The following ZNF610 variants were observed in gnomAD, a reference collection of about 807,000 sequenced individuals.
The protein encoded by ZNF610 is zink finger protein.
ZNF610 carries 14 observed loss-of-function variants against 14.1 expected under a neutral mutation model. That is an observed-to-expected ratio of 0.99 (90% confidence interval 0.65 to 1.55). ZNF610 has a LOEUF of 1.55. Among genes scored for constraint, ZNF610 ranks in the 40% most tolerant of loss-of-function variants. ZNF610 has a pLI of 0.00. For missense variants in ZNF610, 530 were observed against 558.0 expected, an observed-to-expected ratio of 0.95 and a Z score of 0.51; for synonymous variants, 185 against 187.6, an observed-to-expected ratio of 0.99 and a Z score of 0.11.
At chr19:52,335,075 G>T (rs538468908), upstream of ZNF610, among the ~76,000 whole-genome samples, 2 of 151,954 alleles carry the variant, frequency 1.3e-5, no homozygotes, top group South Asian at 2.1e-4. Context: ...CGTGGGGGGG[G>T]GGTGTGGATC....
chr19:52,339,591 C>T (rs1233574145), intron 1 of ZNF610, among the ~76,000 whole-genome samples: 3 of 152,192 alleles, frequency 2.0e-5, no homozygotes, highest in Non-Finnish European at 4.4e-5. Flanking sequence ...TCTGCGGGCA[C>T]AGGGTTGGGG....
In ZNF610 at chr19:52,367,048, C is replaced by A. The variant is rs948835586; in HGVS notation, c.*281C>A. 5.4e-6 allele frequency: 2 copies of A among 369,244 alleles called. No individual in the cohort carries two copies. The highest frequency in any genetic ancestry group is 9.6e-6 in the Non-Finnish European group (2 of 207,734). 22.9% of individuals were successfully genotyped at this position (369,244 alleles called of 1,614,324 possible). ...AGGATTCACATTTAACTGCTGGCAC[C>A]GTAATTTGTAACTCTTTGATTTAGA... is the stretch of plus-strand genomic sequence containing the variant. On this transcript the variant is annotated 3_prime_UTR_variant, in exon 6 of 6. Transcript: ENST00000403906.
intron 1 of ZNF610, among the ~76,000 whole-genome samples, chr19:52,344,327 A>G (rs926705395): frequency 2.8e-5 from 4 of 145,192 alleles, no homozygotes; most frequent in African/African-American, 1.0e-4. Context: ...TGACCCCCCC[A>G]TAGCCCCCGA....
intron 5 of ZNF610, among the ~76,000 whole-genome samples, chr19:52,356,879 C>T (rs964180037): frequency 1.3e-5 from 2 of 152,228 alleles, no homozygotes; most frequent in African/African-American, 2.4e-5. Context: ...TCTTGCACCA[C>T]GCAACAATAA....
At chr19:52,332,852 G>A (rs117297359), upstream of ZNF610, among the ~76,000 whole-genome samples, 58 of 152,332 alleles carry the variant, frequency 3.8e-4, 5 homozygotes, top group East Asian at 9.6e-3. The surrounding 1 kb of genome is among the most constrained non-coding windows in gnomAD (Gnocchi z 4.1). Context: ...AATGCTAGAC[G>A]TAGAACTCTG....
chr19:52,353,232 G>A (rs566632934), intron 3 of ZNF610, among the ~76,000 whole-genome samples: 9 of 152,304 alleles, frequency 5.9e-5, no homozygotes, highest in East Asian at 1.9e-4. Flanking sequence ...GAGCCACTGC[G>A]CCCAGCCTAT....
Position 52,367,741 on chromosome 19 carries a change from C to T in ZNF610, c.*974C>T, listed in dbSNP as rs548179022. ...ATAGTACAATTTCAGCCTTGTACAC[C>T]CTCAAATGTGTGTGAGTGTTAAAGA... On this transcript the variant is annotated 3_prime_UTR_variant, in exon 6 of 6. Transcript: ENST00000403906. 1 of 152,096 alleles carries T rather than the reference C, an allele frequency of 6.6e-6. No homozygotes were observed. The highest frequency in any genetic ancestry group is 2.4e-5 in the African/African-American group (1 of 41,498). 9.4% of individuals were successfully genotyped at this position (152,096 alleles called of 1,614,324 possible).
At chr19:52,338,965 C>T (rs1440942051) in intron 1 of ZNF610, among the ~76,000 whole-genome samples, 7 of 152,142 alleles carry the variant, frequency 4.6e-5, no homozygotes, top group South Asian at 2.1e-4. Context: ...TTATTGATCA[C>T]TATCTCTACC....
At chr19:52,352,514 A>G (rs1182743287) in intron 3 of ZNF610, among the ~76,000 whole-genome samples, 2 of 152,184 alleles carry the variant, frequency 1.3e-5, no homozygotes, top group Admixed American at 6.5e-5. Flanking sequence ...CTGTGATTAC[A>G]TGTGTGAGTC....
chr19:52,351,457 GA>G (rs1018288016), intron 3 of ZNF610, among the ~76,000 whole-genome samples: 4,654 of 139,664 alleles, frequency 0.033, 223 homozygotes, highest in African/African-American at 0.11. Flanking sequence ...CTGTCTCAAA[GA>G]AAAAAAAAAA....
At chr19:52,346,118 C>T (rs1984942596) in intron 1 of ZNF610, among the ~76,000 whole-genome samples, 2 of 151,524 alleles carry the variant, frequency 1.3e-5, no homozygotes, top group African/African-American at 4.9e-5. Flanking sequence ...CCTGCCTCAG[C>T]CTCCTGAGTA....
chr19:52,341,378 CG>C (rs1026566605), intron 1 of ZNF610, among the ~76,000 whole-genome samples: 184 of 151,048 alleles, frequency 1.2e-3, no homozygotes, highest in African/African-American at 4.1e-3. Flanking sequence ...GGCACGATCT[CG>C]GCTCACTGCA....
intron 5 of ZNF610, among the ~76,000 whole-genome samples, chr19:52,356,237 A>G (rs551915800): frequency 5.9e-5 from 9 of 152,272 alleles, no homozygotes; most frequent in Admixed American, 1.3e-4. Context: ...TGTGTGTCAC[A>G]GGGGAGTAGG....
chr19:52,360,512 A>G (rs1319395276), intron 5 of ZNF610, among the ~76,000 whole-genome samples: 1 of 152,214 alleles, frequency 6.6e-6, no homozygotes, highest in Non-Finnish European at 1.5e-5. Flanking sequence ...AGCCTTCATT[A>G]TTTCAACACT....
At chr19:52,342,455 G>A (rs1008975879) in intron 1 of ZNF610, among the ~76,000 whole-genome samples, 2 of 151,146 alleles carry the variant, frequency 1.3e-5, no homozygotes, top group African/African-American at 2.4e-5. Context: ...TTGCACAGCC[G>A]ATCACTCCCT....
upstream of ZNF610, among the ~76,000 whole-genome samples, chr19:52,334,076 A>G (rs1356832409): frequency 2.0e-5 from 3 of 152,254 alleles, no homozygotes; most frequent in Non-Finnish European, 4.4e-5. Flanking sequence ...ACAATGGTTT[A>G]TAAACTGTAA....
intron 4 of ZNF610, 33 bp from the exon 5 acceptor site, chr19:52,354,218 C>G (rs1488114848): frequency 6.2e-7 from 1 of 1,611,612 alleles, no homozygotes; most frequent in South Asian, 1.1e-5. Context: ...GGAAATGCCC[C>G]AGCACATCTT....
chr19:52,333,443 G>A (rs908310938), upstream of ZNF610, among the ~76,000 whole-genome samples: 8 of 152,138 alleles, frequency 5.3e-5, no homozygotes, highest in Admixed American at 2.6e-4. Context: ...GACCTGCACC[G>A]CTGCCCTCTG....
chr19:52,345,221 T>C (rs1984880400), intron 1 of ZNF610: 1 of 152,280 alleles, frequency 6.6e-6, no homozygotes, highest in African/African-American at 2.4e-5. Flanking sequence ...AAGTCCCTTA[T>C]GTAAAGTTGC....
Sources: gnomAD v4.1 joint callset for allele counts (sites outside exome capture counted in the v4.1 genomes callset) on GRCh38, gnomAD v4.1.1 for gene constraint, Gnocchi (gnomAD v3.1) non-coding constraint, MANE v1.5 for transcripts, NCBI Gene and HGNC (gene_info 2026-07-23, HGNC 2026-07-21) for gene names.